The following CDCA7L variants were observed in gnomAD, a reference collection of about 807,000 sequenced individuals.
CDCA7L encodes the protein cell division cycle-associated 7-like protein.
Under a neutral mutation model 57.4 loss-of-function variants are expected in CDCA7L, and 44 were observed. The observed-to-expected ratio is 0.77, with a 90% confidence interval of 0.60 to 0.98. The LOEUF (loss-of-function observed/expected upper bound fraction) is 0.98, where lower values mean the gene tolerates loss of function less well. Ranked by LOEUF, CDCA7L falls within the 50% of genes least tolerant of loss-of-function variation. CDCA7L has a pLI of 0.00. For missense variants in CDCA7L, 644 were observed against 580.6 expected, an observed-to-expected ratio of 1.11 and a Z score of -1.12; for synonymous variants, 236 against 202.8, an observed-to-expected ratio of 1.16 and a Z score of -1.39.
rs1784827505 is a variant in CDCA7L at position 21,901,324 on chromosome 7, TC to T, written c.*997del. On this transcript the variant is annotated 3_prime_UTR_variant, in exon 10 of 10. Transcript: ENST00000406877. ...ATTTTCTAGCATGTTGCTGCACTGTTCCCATGCACATTATTCTAACTTTTTA... is the reference window on the plus strand; with the variant it reads ...ATTTTCTAGCATGTTGCTGCACTGTTCCATGCACATTATTCTAACTTTTTA... 1.4e-6 allele frequency: 2 copies of T among 1,438,258 alleles called. No individual in the cohort carries two copies. The highest frequency in any genetic ancestry group is 1.7e-5 in the South Asian group (1 of 57,700). The allele number at this position is 1,438,258 out of a possible 1,614,324, so 89.1% of individuals were successfully genotyped here.
At chr7:21,903,693 T>G in intron 8 of CDCA7L, 1 of 164,868 alleles carries the variant, frequency 6.1e-6, no homozygotes. Context: ...TAAACAAATT[T>G]ATGGTAACAG....
chr7:21,902,816 G>A, intron 9 of CDCA7L, 162 bp downstream of exon 9: 1 of 645,268 alleles, frequency 1.5e-6, no homozygotes, highest in South Asian at 2.3e-5. Context: ...AAAATATCAG[G>A]CCTGAGCTTT....
intron 1 of CDCA7L, among the ~76,000 whole-genome samples, chr7:21,929,631 C>G (rs1334733715): frequency 1.1e-4 from 4 of 35,508 alleles, no homozygotes; most frequent in Non-Finnish European, 1.8e-4. Flanking sequence ...AAATGGAAAG[C>G]AAAAAAAAAA....
At chr7:21,935,883 C>CCT (rs1786147079) in intron 1 of CDCA7L, among the ~76,000 whole-genome samples, 1 of 152,028 alleles carries the variant, frequency 6.6e-6, no homozygotes, top group African/African-American at 2.4e-5. Flanking sequence ...GTGGTGGGCG[C>CCT]CTGTAATCCC....
intron 3 of CDCA7L, among the ~76,000 whole-genome samples, chr7:21,909,745 C>T (rs1785254743): frequency 2.6e-5 from 4 of 152,160 alleles, no homozygotes; most frequent in Admixed American, 6.5e-5. Context: ...TCCTCATCAT[C>T]GACAGGCCTC....
chr7:21,901,331 C>CTGAAGAGCG lies in CDCA7L; in HGVS notation c.*990_*991insCGCTCTTCA. 7.0e-7 allele frequency: 1 copy of CTGAAGAGCG among 1,423,250 alleles called. No individual in the cohort carries two copies. The highest frequency in any genetic ancestry group is 9.3e-7 in the Non-Finnish European group (1 of 1,079,118). 88.2% of individuals were successfully genotyped at this position (1,423,250 alleles called of 1,614,324 possible). On this transcript the variant is annotated 3_prime_UTR_variant, in exon 10 of 10. Coordinates refer to ENST00000406877, the MANE Select transcript of CDCA7L (RefSeq NM_018719.5). ...AGCATGTTGCTGCACTGTTCCCATG[C>CTGAAGAGCG]ACATTATTCTAACTTTTTAGTAACT...
chr7:21,904,103 T>TTCCTACCGGG lies in CDCA7L; in HGVS notation c.1194_1197+6dup. 6.3e-7 allele frequency: 1 copy of TTCCTACCGGG among 1,589,032 alleles called. No individual in the cohort carries two copies. Among genetic ancestry groups the TTCCTACCGGG allele is most frequent in the Non-Finnish European group, 8.6e-7 (1 of 1,168,910 alleles). On this transcript the variant is annotated splice_region_variant and intron_variant, in intron 8 of 9. Coordinates refer to ENST00000406877, the MANE Select transcript of CDCA7L (RefSeq NM_018719.5). ...CAATTTACAACAAATGCAAACACTG[T>TTCCTACCGGG]TCCTACCGGGTCCAGCAATGCCGAT... is the stretch of plus-strand genomic sequence containing the variant.
At chr7:21,934,649 T>C (rs1786109915) in intron 1 of CDCA7L, among the ~76,000 whole-genome samples, 1 of 152,136 alleles carries the variant, frequency 6.6e-6, no homozygotes, top group South Asian at 2.1e-4. Flanking sequence ...TTTTTCAAAA[T>C]AGGATACAAC....
intron 1 of CDCA7L, among the ~76,000 whole-genome samples, chr7:21,923,210 C>T (rs553534066): frequency 2.3e-4 from 35 of 152,184 alleles, no homozygotes; most frequent in African/African-American, 8.2e-4. Context: ...CAATTTAAGC[C>T]AGGCATGGTG....
chr7:21,925,893 A>C (rs901267025), intron 1 of CDCA7L, among the ~76,000 whole-genome samples: 3 of 152,138 alleles, frequency 2.0e-5, no homozygotes, highest in Admixed American at 6.5e-5. Context: ...AGAAGAAAAA[A>C]AAAGATCATC....
At chr7:21,915,213 G>T (rs1385678970) in intron 2 of CDCA7L, among the ~76,000 whole-genome samples, 1 of 152,142 alleles carries the variant, frequency 6.6e-6, no homozygotes, top group Admixed American at 6.5e-5. Context: ...AGATGGAAGA[G>T]GGGAGGGAAG....
At position 21,906,370 on chromosome 7, in the gene CDCA7L, C is replaced by CT; in HGVS notation, c.839dup (p.Phe281ValfsTer12). 6.2e-7 allele frequency: 1 copy of CT among 1,613,888 alleles called. No individual in the cohort carries two copies. On this transcript the variant is annotated frameshift_variant, in exon 6 of 10. Coordinates refer to ENST00000406877, the MANE Select transcript of CDCA7L (RefSeq NM_018719.5). LOFTEE classifies it high-confidence loss of function. Reference sequence around the variant, plus strand: ...AGACAGTGAAGTTCTCTAGAGCAAACTTCTCAGGAGGCCGCGCACTCCGGG... The same window carrying CT: ...AGACAGTGAAGTTCTCTAGAGCAAACTTTCTCAGGAGGCCGCGCACTCCGGG...
Position 21,901,413 on chromosome 7 carries a change from T to A in CDCA7L, c.*909A>T. ...TAGAGTGAAAGTCAGAAAAAAATAC[T>A]AGAAACTAACTCAGGGCTGAGCGTG... On this transcript the variant is annotated 3_prime_UTR_variant, in exon 10 of 10. Coordinates refer to ENST00000406877, the MANE Select transcript of CDCA7L (RefSeq NM_018719.5). 1 of 1,074,390 alleles carries A rather than the reference T, an allele frequency of 9.3e-7. No homozygotes were observed. The highest frequency in any genetic ancestry group is 1.2e-6 in the Non-Finnish European group (1 of 810,220). 66.6% of individuals were successfully genotyped at this position (1,074,390 alleles called of 1,614,324 possible). A position where few individuals can be genotyped will look rare whatever the true frequency, so the allele number is the denominator to read the frequency against.
rs193134899 is a variant in CDCA7L at position 21,935,819 on chromosome 7, C to T, written c.24+9962G>A. Among the ~76,000 whole-genome samples the T allele has an allele frequency of 1.7e-3, 266 of 152,124 alleles. 1 individual carries two copies. The highest frequency in any genetic ancestry group is 3.4e-3 in the Middle Eastern group (1 of 294). ...GTCAGGAGTTCAAGACCAGCCTGGC[C>T]AAGATGGTGAAACCCCATCTCTACT... On this transcript the variant is annotated intron_variant, in intron 1 of 9. Transcript: ENST00000406877.
chr7:21,940,401 A>T (rs911052728), intron 1 of CDCA7L: 1 of 573,574 alleles, frequency 1.7e-6, no homozygotes. Context: ...CATTCAATGG[A>T]TATTTATTAG....
intron 7 of CDCA7L, among the ~76,000 whole-genome samples, chr7:21,905,280 C>G (rs936669010): frequency 6.6e-6 from 1 of 152,096 alleles, no homozygotes; most frequent in Non-Finnish European, 1.5e-5. Context: ...GTTCCCTTCC[C>G]CCAGATTCTA....
At chr7:21,905,411 G>C (rs1785107828) in intron 7 of CDCA7L, 95 bp downstream of exon 7, 3 of 1,368,544 alleles carry the variant, frequency 2.2e-6, no homozygotes, top group South Asian at 1.3e-5. Context: ...CCCTTGGTGA[G>C]ATGGCATAAG....
chr7:21,934,290 A>G (rs1358488612), intron 1 of CDCA7L, among the ~76,000 whole-genome samples: 1 of 152,234 alleles, frequency 6.6e-6, no homozygotes, highest in Non-Finnish European at 1.5e-5. Context: ...AATGATGGAA[A>G]AAGAGCTATA....
At chr7:21,919,468 A>G (rs1583859392) in intron 1 of CDCA7L, among the ~76,000 whole-genome samples, 1 of 152,248 alleles carries the variant, frequency 6.6e-6, no homozygotes, top group Admixed American at 6.5e-5. Flanking sequence ...TTCTCCAAGG[A>G]GCCCTGAAAC....
Sources: gnomAD v4.1 joint callset for allele counts (sites outside exome capture counted in the v4.1 genomes callset) on GRCh38, gnomAD v4.1.1 for gene constraint, MANE v1.5 for transcripts, NCBI Gene and HGNC (gene_info 2026-07-23, HGNC 2026-07-21) for gene names.